Variants in TBPL2 observed in about 807,000 individuals in gnomAD.
TBPL2 encodes the protein TATA box-binding protein-like 2.
A neutral mutation model predicts 38.2 loss-of-function variants in TBPL2; 40 were observed. The ratio of observed to expected loss-of-function variants is 1.05; its 90% CI spans 0.81 to 1.36. The LOEUF is 1.36. TBPL2 is among the 40% of genes most tolerant of loss of function. The pLI is 0.00. For missense variants in TBPL2, 461 were observed against 456.7 expected, an observed-to-expected ratio of 1.01 and a Z score of -0.09; for synonymous variants, 169 against 171.7, an observed-to-expected ratio of 0.98 and a Z score of 0.12.
chr14:55,418,488 A>G (rs1885699191), intron 6 of TBPL2, among the ~76,000 whole-genome samples: 1 of 152,180 alleles, frequency 6.6e-6, no homozygotes, highest in African/African-American at 2.4e-5. Context: ...ATAGCATTGC[A>G]CCGCTCAAGT....
At chr14:55,423,097 C>T (rs7156493) in intron 6 of TBPL2, among the ~76,000 whole-genome samples, 32,556 of 151,938 alleles carry the variant, frequency 0.21, 5,646 homozygotes, top group African/African-American at 0.48. Context: ...TAAGTTATGT[C>T]ATGTACATAT....
chr14:55,440,406 C>T lies in TBPL2; in HGVS notation c.140G>A (p.Cys47Tyr), dbSNP rs770232331. ...TGGCGGCAGCCTCACCTGAGCGGCG[C>T]ACTGGTCCAGGTAGAGCTCCAGGTA... Residue 47 changes from cysteine (C) to tyrosine (Y), a missense_variant, in exon 1 of 7, where the codon TGC becomes TAC. Transcript: ENST00000247219. 1.9e-6 allele frequency: 3 copies of T among 1,612,906 alleles called. No individual in the cohort carries two copies. In the Admixed American group the frequency reaches 5.0e-5, roughly 27 times the overall value.
chr14:55,418,334 C>T (rs1298118408), intron 6 of TBPL2, among the ~76,000 whole-genome samples: 3 of 152,184 alleles, frequency 2.0e-5, no homozygotes, highest in African/African-American at 7.2e-5. Flanking sequence ...TTCATCCCTA[C>T]CCCTTAGTCA....
intron 6 of TBPL2, among the ~76,000 whole-genome samples, chr14:55,415,247 A>G (rs1168084559): frequency 6.6e-6 from 1 of 152,224 alleles, no homozygotes; most frequent in Non-Finnish European, 1.5e-5. Context: ...GCTGGAGGCA[A>G]GGAAGGAAGA....
intron 6 of TBPL2, among the ~76,000 whole-genome samples, chr14:55,414,672 G>A (rs1885643075): frequency 6.6e-6 from 1 of 152,152 alleles, no homozygotes; most frequent in Non-Finnish European, 1.5e-5. Context: ...GAACTTCTCT[G>A]TGGGTGTCAT....
At chr14:55,428,698 CTT>C (rs571276199) in intron 5 of TBPL2, 107 bp downstream of exon 5, 166 of 973,236 alleles carry the variant, frequency 1.7e-4, no homozygotes, top group Non-Finnish European at 1.8e-4. Context: ...TGTCCCCCGC[CTT>C]TTTTTTTTTA....
intron 5 of TBPL2, among the ~76,000 whole-genome samples, chr14:55,428,090 A>C (rs939729621): frequency 8.7e-6 from 1 of 114,342 alleles, no homozygotes; most frequent in South Asian, 2.9e-4. Context: ...GCCCCTTCCT[A>C]CCGGCCTAGT....
intron 4 of TBPL2, among the ~76,000 whole-genome samples, chr14:55,429,766 C>CAAAAAAAAAAAAAAAAAAAAA (rs71131266): frequency 5.9e-4 from 31 of 52,336 alleles, no homozygotes; most frequent in Middle Eastern, 0.016. Context: ...AACTCCGTCT[C>CAAAAAAAAAAAAAAAAAAAAA]AAAAAAAAAA....
intron 3 of TBPL2, among the ~76,000 whole-genome samples, chr14:55,433,960 A>G (rs1187956944): frequency 1.3e-5 from 2 of 152,150 alleles, no homozygotes; most frequent in African/African-American, 2.4e-5. Flanking sequence ...TTCAGTTCCT[A>G]TTTATTCTCA....
chr14:55,415,731 C>T lies in TBPL2; in HGVS notation c.1052-1276G>A, dbSNP rs191041492. Among the ~76,000 whole-genome samples the T allele has an allele frequency of 8.6e-5, 13 of 151,968 alleles. No individual in the cohort carries two copies. In the East Asian group the frequency reaches 2.3e-3, roughly 27 times the overall value. On this transcript the variant is annotated intron_variant, in intron 6 of 6. Coordinates refer to ENST00000247219, the Ensembl canonical transcript of TBPL2. ...AAATACAAAAGAAAATTAGGCGTGG[C>T]GGTGGGCGTCTGTCATCCTAGCTAT... is the stretch of plus-strand genomic sequence containing the variant.
At chr14:55,432,342 G>A (rs1885942680) in intron 4 of TBPL2, among the ~76,000 whole-genome samples, 1 of 151,266 alleles carries the variant, frequency 6.6e-6, no homozygotes, top group African/African-American at 2.4e-5. Flanking sequence ...CAGCCCGGGA[G>A]GTGGAGGTTG....
intron 1 of TBPL2, among the ~76,000 whole-genome samples, chr14:55,438,572 TTCCCCA>T (rs1447384262): frequency 1.3e-5 from 2 of 152,220 alleles, no homozygotes; most frequent in African/African-American, 4.8e-5. Context: ...CCCCTTCCCC[TTCCCCA>T]TCATGGCATT....
At chr14:55,433,635 G>A in exon 4 of TBPL2, 4 of 1,613,794 alleles carry the variant, frequency 2.5e-6, no homozygotes, top group Non-Finnish European at 3.4e-6. Flanking sequence ...CATACCTTTT[G>A]GCTCCCGTGC....
At chr14:55,428,030 A>T (rs1224950627) in intron 5 of TBPL2, among the ~76,000 whole-genome samples, 1 of 133,748 alleles carries the variant, frequency 7.5e-6, no homozygotes, top group Non-Finnish European at 1.5e-5. Context: ...GTGCTACAGC[A>T]TTCTTTTTTC....
intron 2 of TBPL2, 62 bp downstream of exon 2, chr14:55,436,499 C>A: frequency 7.3e-7 from 1 of 1,370,354 alleles, no homozygotes; most frequent in South Asian, 1.3e-5. Context: ...TAGTTGTCAT[C>A]GCATTCAGGA....
At position 55,428,858 on chromosome 14, in the gene TBPL2, C is replaced by G. The variant is rs1885875254; in HGVS notation, c.905G>C (p.Arg302Thr). 3 of 1,614,206 alleles carry G rather than the reference C, an allele frequency of 1.9e-6. No homozygotes were observed. The change falls in exon 5 of 7, where the codon AGA (arginine) becomes ACA (threonine). Residue 302 changes from arginine to threonine, a missense_variant. Arg to Thr is a moderately conservative substitution (Grantham distance 71). Transcript: ENST00000247219. ...CAAACCTTCCAGCCTGATGGGAAAT[C>G]TCACATCACAGCTTCCAACCATGTT...
At chr14:55,420,490 G>A (rs1194383044) in intron 6 of TBPL2, among the ~76,000 whole-genome samples, 1 of 151,962 alleles carries the variant, frequency 6.6e-6, no homozygotes, top group Non-Finnish European at 1.5e-5. Flanking sequence ...AGTATAGCAT[G>A]AACAGGTAAA....
chr14:55,434,145 G>GA (rs1353735569), intron 3 of TBPL2, among the ~76,000 whole-genome samples: 1 of 152,088 alleles, frequency 6.6e-6, no homozygotes, highest in African/African-American at 2.4e-5. Flanking sequence ...AATCTTTTGG[G>GA]AAAAAAATAA....
At chr14:55,435,980 TA>T (rs113744998) in intron 2 of TBPL2, 46 bp from the exon 3 acceptor site, 43,626 of 844,822 alleles carry the variant, frequency 0.052, 1 homozygote, top group South Asian at 0.059. Context: ...ATATAAAGAG[TA>T]AAAAAAAAAA....
Sources: gnomAD v4.1 joint callset for allele counts (sites outside exome capture counted in the v4.1 genomes callset) on GRCh38, gnomAD v4.1.1 for gene constraint, MANE v1.5 for transcripts, NCBI Gene and HGNC (gene_info 2026-07-23, HGNC 2026-07-21) for gene names.